Variants in EDEM2 observed in about 807,000 individuals in gnomAD.
EDEM2 encodes the protein ER degradation enhancing alpha-mannosidase like protein 2.
In EDEM2, 39 loss-of-function variants were observed where a neutral mutation model predicts 64.8. The ratio of observed to expected loss-of-function variants is 0.60; its 90% CI spans 0.47 to 0.79. The LOEUF (loss-of-function observed/expected upper bound fraction) is 0.79. EDEM2 is among the 30% of genes least tolerant of loss of function. The pLI, the probability that EDEM2 is intolerant of heterozygous loss-of-function variation, is 0.00. For missense variants in EDEM2, 609 were observed against 731.3 expected, an observed-to-expected ratio of 0.83 and a Z score of 1.93; for synonymous variants, 296 against 291.5, an observed-to-expected ratio of 1.02 and a Z score of -0.16.
At chr20:35,143,834 A>G (rs559203723) in intron 3 of EDEM2, among the ~76,000 whole-genome samples, 3 of 152,244 alleles carry the variant, frequency 2.0e-5, no homozygotes, top group South Asian at 2.1e-4. Flanking sequence ...TTGGCCTCCC[A>G]AAGTGCTGGG....
chr20:35,136,887 A>T (rs905418989), intron 5 of EDEM2, among the ~76,000 whole-genome samples: 3 of 152,104 alleles, frequency 2.0e-5, no homozygotes, highest in African/African-American at 7.2e-5. Context: ...CCTGAAGGGA[A>T]CACAGTGTAC....
rs1348311251 is a variant in EDEM2, at chr20:35,147,060, G to A, written c.107+92C>T. The A allele has an allele frequency of 3.9e-6, 6 of 1,542,924 alleles. No homozygotes were observed. The African/African-American group carries it at 4.1e-5, about 11-fold the overall frequency. On this transcript the variant is annotated intron_variant, in intron 1 of 10. Transcript: ENST00000374492. The stretch of plus-strand genomic sequence containing the variant: ...CTCCCTGGGACCTAGCGGCTGTGTC[G>A]GAGCAAGTCGGGGTCTGGGATGGAC...
intron 10 of EDEM2, among the ~76,000 whole-genome samples, chr20:35,117,872 C>A (rs977834201): frequency 1.3e-5 from 2 of 152,168 alleles, no homozygotes; most frequent in African/African-American, 4.8e-5. Flanking sequence ...CAAATCAGAT[C>A]ATGTCACTGC....
chr20:35,123,717 A>C (rs2085396309), intron 9 of EDEM2, among the ~76,000 whole-genome samples, 173 bp downstream of exon 9: 1 of 152,216 alleles, frequency 6.6e-6, no homozygotes, highest in African/African-American at 2.4e-5. Flanking sequence ...TCCATATCTG[A>C]AAACATGGGG....
chr20:35,131,476 G>A (rs926736256), intron 7 of EDEM2, among the ~76,000 whole-genome samples, 166 bp downstream of exon 7: 4 of 152,164 alleles, frequency 2.6e-5, no homozygotes, highest in African/African-American at 9.7e-5. Flanking sequence ...TGAGGCATGA[G>A]AATCACTTGA....
In EDEM2 at chr20:35,134,819, G is replaced by C; in HGVS notation, c.621C>G (p.Ser207Arg). The C allele has an allele frequency of 6.2e-7, 1 of 1,614,132 alleles. No individual in the cohort carries two copies. The highest frequency in any genetic ancestry group is 8.5e-7 in the Non-Finnish European group (1 of 1,180,036). ...TFIVEFATLS[S>R]LTGDPVFEDV... Reference sequence around the variant, plus strand: ...CTTCGAACACCGGGTCACCAGTGAGGCTGCTCAGGGTGGCAAATTCAACAA... The same window carrying C: ...CTTCGAACACCGGGTCACCAGTGAGCCTGCTCAGGGTGGCAAATTCAACAA... Residue 207 changes from serine (S) to arginine (R), a missense_variant, in exon 6 of 11, where the codon AGC (serine) becomes AGG (arginine). Transcript: ENST00000374492.
At chr20:35,139,317 T>G (rs1320818852) in intron 4 of EDEM2, among the ~76,000 whole-genome samples, 2 of 139,570 alleles carry the variant, frequency 1.4e-5, no homozygotes, top group Non-Finnish European at 1.5e-5. Flanking sequence ...ACCACTGCAC[T>G]TCAGCCTGGG....
intron 2 of EDEM2, among the ~76,000 whole-genome samples, chr20:35,145,917 G>A (rs1385992055): frequency 2.0e-5 from 3 of 148,826 alleles, no homozygotes; most frequent in East Asian, 3.9e-4. Flanking sequence ...CAGGAGAATC[G>A]CTTGAAGCCA....
intron 3 of EDEM2, among the ~76,000 whole-genome samples, chr20:35,144,031 C>T (rs926831578): frequency 6.6e-6 from 1 of 152,064 alleles, no homozygotes; most frequent in Admixed American, 6.5e-5. Context: ...ACCTCACCCT[C>T]CTCCCTAACA....
chr20:35,136,242 T>G (rs931485726), intron 5 of EDEM2, among the ~76,000 whole-genome samples: 3 of 152,206 alleles, frequency 2.0e-5, no homozygotes, highest in African/African-American at 7.2e-5. Flanking sequence ...TCCTGTTTCT[T>G]GACCTTTTTT....
In EDEM2 at chr20:35,130,434, G is replaced by A. The variant is rs547059103; in HGVS notation, c.844+1208C>T. ...AACAACAATAACTAATAATAAAGCA[G>A]AACAAGTATAACAATATATGTTATA... is the stretch of plus-strand genomic sequence containing the variant. On this transcript the variant is annotated intron_variant, in intron 7 of 10. Coordinates refer to ENST00000374492, the MANE Select transcript of EDEM2 (RefSeq NM_018217.3). 2.0e-5 allele frequency among the ~76,000 whole-genome samples: 3 copies of A among 152,232 alleles called. No individual in the cohort carries two copies. The South Asian group carries it at 6.2e-4, about 32-fold the overall frequency.
intron 10 of EDEM2, among the ~76,000 whole-genome samples, chr20:35,117,673 TTTG>T (rs1355267003): frequency 6.6e-6 from 1 of 152,366 alleles, no homozygotes; most frequent in East Asian, 1.9e-4. Context: ...AAATAAGTGT[TTTG>T]TTGTTGTTTT....
At chr20:35,146,786 T>A in intron 2 of EDEM2, 39 bp downstream of exon 2, 1 of 1,601,872 alleles carries the variant, frequency 6.2e-7, no homozygotes, top group African/African-American at 1.3e-5. Context: ...GCCCAGAGAG[T>A]CAGACCCTGG....
In EDEM2 at chr20:35,122,493, GCCTCC is replaced by G. The variant is rs375985565; in HGVS notation, c.1114+1392_1114+1396del. Among the ~76,000 whole-genome samples the G allele has an allele frequency of 2.3e-3, 355 of 152,234 alleles. 1 individual carries two copies. The highest frequency in any genetic ancestry group is 7.9e-3 in the African/African-American group (328 of 41,538). ...GGGTTCAAGCGATTCTACTGTCTCA[GCCTCC>G]CCAGTAGCTGAGATTACAGGTGCAC... On this transcript the variant is annotated intron_variant, in intron 9 of 10. Transcript: ENST00000374492.
At chr20:35,124,104 GAC>G in intron 8 of EDEM2, 70 bp from the exon 9 acceptor site, 1 of 1,556,404 alleles carries the variant, frequency 6.4e-7, no homozygotes, top group Middle Eastern at 1.8e-4. Context: ...CTTAAGAAAA[GAC>G]AAAGTAAAAT....
intron 9 of EDEM2, among the ~76,000 whole-genome samples, chr20:35,121,799 GTT>G (rs11319601): frequency 0.065 from 9,544 of 147,774 alleles, 1,054 homozygotes; most frequent in African/African-American, 0.22. Context: ...GGTGCCTTAT[GTT>G]TTTTTTTTTT....
At position 35,126,291 on chromosome 20, in the gene EDEM2, G is replaced by A; in HGVS notation, c.929C>T (p.Pro310Leu). Residue 310 changes from proline (P) to leucine (L), a missense_variant, in exon 8 of 11, where the codon CCA becomes CTA. Coordinates refer to ENST00000374492, the MANE Select transcript of EDEM2 (RefSeq NM_018217.3). ...VQMYKGTVSM[P>L]VFQSLEAYWP... Reference sequence around the variant, plus strand: ...GTAGGCCTCCAAGGACTGGAAGACTGGCATGGACACAGTCCCCTTGTACAT... The same window carrying A: ...GTAGGCCTCCAAGGACTGGAAGACTAGCATGGACACAGTCCCCTTGTACAT... 4 of 1,614,058 alleles carry A rather than the reference G, an allele frequency of 2.5e-6. No homozygotes were observed. Among genetic ancestry groups the A allele is most frequent in the South Asian group, 1.1e-5 (1 of 91,072 alleles).
chr20:35,134,819 G>T lies in EDEM2; in HGVS notation c.621C>A (p.Ser207Arg). 5 of 1,614,132 alleles carry T rather than the reference G, an allele frequency of 3.1e-6. No homozygotes were observed. The highest frequency in any genetic ancestry group is 4.2e-6 in the Non-Finnish European group (5 of 1,180,036). ...CTTCGAACACCGGGTCACCAGTGAG[G>T]CTGCTCAGGGTGGCAAATTCAACAA... Reference protein sequence around the residue: ...TFIVEFATLSSLTGDPVFEDV... With the variant: ...TFIVEFATLSRLTGDPVFEDV... The change falls in exon 6 of 11, where the codon AGC (serine) becomes AGA (arginine). Residue 207 changes from serine to arginine, a missense_variant. Ser to Arg is a moderately radical substitution (Grantham distance 110, BLOSUM62 -1). Coordinates refer to ENST00000374492, the MANE Select transcript of EDEM2 (RefSeq NM_018217.3).
intron 4 of EDEM2, among the ~76,000 whole-genome samples, chr20:35,139,653 A>G (rs1235348510): frequency 6.7e-6 from 1 of 148,472 alleles, no homozygotes; most frequent in African/African-American, 2.5e-5. Flanking sequence ...CCATCTCAGA[A>G]AAAAAAAAAA....
Sources: allele counts gnomAD v4.1 joint callset (sites outside exome capture counted in the v4.1 genomes callset), GRCh38; gene constraint gnomAD v4.1.1; transcripts MANE v1.5; gene names NCBI Gene and HGNC (gene_info 2026-07-23, HGNC 2026-07-21).